Variants in SLC22A13 observed in about 807,000 individuals in gnomAD.
SLC22A13 encodes the protein organic anion transporter 10.
Under a neutral mutation model 49.1 loss-of-function variants are expected in SLC22A13, and 42 were observed. That is an observed-to-expected ratio of 0.85 (90% confidence interval 0.67 to 1.11). The LOEUF is 1.11. Among genes scored for constraint, SLC22A13 ranks in the 50% least tolerant of loss-of-function variants. The pLI, the probability that SLC22A13 is intolerant of heterozygous loss-of-function variation, is 0.00. For synonymous variants in SLC22A13, 282 were observed against 293.1 expected (o/e 0.96, Z 0.39); for missense variants, 694 against 712.8 (o/e 0.97, Z 0.30).
chr3:38,275,869 C>A lies in SLC22A13; in HGVS notation c.1023-13C>A. On this transcript the variant is annotated splice_polypyrimidine_tract_variant and intron_variant, in intron 6 of 9. Transcript: ENST00000311856. ...TCACCCAGCAGTGACAGGAACCCTT[C>A]ATTACCTTGTAGGTTTGTGGACAGT... 1 of 1,612,102 alleles carries A rather than the reference C, an allele frequency of 6.2e-7. No homozygotes were observed. The highest frequency in any genetic ancestry group is 8.5e-7 in the Non-Finnish European group (1 of 1,178,306).
intron 1 of SLC22A13, among the ~76,000 whole-genome samples, chr3:38,273,473 T>G (rs968956733): frequency 6.6e-5 from 10 of 152,188 alleles, no homozygotes; most frequent in African/African-American, 2.4e-4. Flanking sequence ...TGAGGGCTCC[T>G]TAGGATTCTG....
At chr3:38,269,692 G>A (rs1317039483) in intron 1 of SLC22A13, among the ~76,000 whole-genome samples, 1 of 152,072 alleles carries the variant, frequency 6.6e-6, no homozygotes, top group Non-Finnish European at 1.5e-5. Flanking sequence ...CTGGAGGCTT[G>A]GTTAACAGCA....
Position 38,276,502 on chromosome 3 carries a change from G to A in SLC22A13, c.1346+107G>A, listed in dbSNP as rs551131182. ...ACAAATAGCTGACAGGGCTGGCTCTGGGGCAGCAGTGCTGGGCAGGGTCCA... is the reference window on the plus strand; with the variant it reads ...ACAAATAGCTGACAGGGCTGGCTCTAGGGCAGCAGTGCTGGGCAGGGTCCA... On this transcript the variant is annotated intron_variant, in intron 8 of 9. Coordinates refer to ENST00000311856, the MANE Select transcript of SLC22A13 (RefSeq NM_004256.4). 1.2e-3 allele frequency: 935 copies of A among 789,718 alleles called. 1 individual carries two copies. The highest frequency in any genetic ancestry group is 1.7e-3 in the Non-Finnish European group (841 of 480,644). 48.9% of individuals were successfully genotyped at this position (789,718 alleles called of 1,614,324 possible). A position where few individuals can be genotyped will look rare whatever the true frequency, so the allele number is the denominator to read the frequency against.
At position 38,276,395 on chromosome 3, in the gene SLC22A13, G is replaced by A. The variant is rs145243975; in HGVS notation, c.1346G>A (p.Arg449Gln). The A allele has an allele frequency of 1.0e-4, 164 of 1,601,312 alleles. No individual in the cohort carries two copies. The highest frequency in any genetic ancestry group is 1.3e-4 in the Non-Finnish European group (150 of 1,170,294). The stretch of plus-strand genomic sequence containing the variant: ...GCCGAGCTTTTCCCCACCATCCTCC[G>A]GTAAGAGCTGCAGTGTGACTCCTGC... Reference protein sequence around the residue: ...YSAELFPTILRQTGMGLVGIF... With the variant: ...YSAELFPTILQQTGMGLVGIF... Residue 449 changes from arginine (R) to glutamine (Q), a missense_variant and splice_region_variant, in exon 8 of 10, where the codon CGG becomes CAG. Coordinates refer to ENST00000311856, the MANE Select transcript of SLC22A13 (RefSeq NM_004256.4).
chr3:38,265,913 A>G lies in SLC22A13; in HGVS notation c.53A>G (p.Gln18Arg), dbSNP rs1559535469. The change falls in exon 1 of 10, where the codon CAG becomes CGG. Residue 18 changes from glutamine to arginine, a missense_variant. Physicochemically the swap from Gln to Arg is conservative, Grantham distance 43. Coordinates refer to ENST00000311856, the MANE Select transcript of SLC22A13 (RefSeq NM_004256.4). The stretch of plus-strand genomic sequence containing the variant: ...GAAATAGGTGACTTTGGTCGCTTCC[A>G]GATACAGCTATTGATCCTGCTGTGT... ...LAEIGDFGRFQIQLLILLCVL... is the reference protein window; with the variant it reads ...LAEIGDFGRFRIQLLILLCVL... 6.2e-7 allele frequency: 1 copy of G among 1,614,134 alleles called. No homozygotes were observed. The highest frequency in any genetic ancestry group is 8.5e-7 in the Non-Finnish European group (1 of 1,180,000).
chr3:38,266,110 C>T lies in SLC22A13; in HGVS notation c.250C>T (p.Leu84Phe). Residue 84 changes from leucine (L) to phenylalanine (F), a missense_variant, in exon 1 of 10, where the codon CTC (leucine) becomes TTC (phenylalanine). Leu to Phe is a conservative substitution (Grantham distance 22, BLOSUM62 0). Transcript: ENST00000311856. Reference sequence around the variant, plus strand: ...CACTGCAGGTCACCCAGAGCCCTGCCTCATGTTCCGGCCACCCCCCGCCAA... The same window carrying T: ...CACTGCAGGTCACCCAGAGCCCTGCTTCATGTTCCGGCCACCCCCCGCCAA... ...LDTAGHPEPC[L>F]MFRPPPANAS... The T allele has an allele frequency of 6.2e-7, 1 of 1,614,086 alleles. No homozygotes were observed.
intron 1 of SLC22A13, among the ~76,000 whole-genome samples, chr3:38,267,065 C>T (rs1048706314): frequency 3.9e-5 from 6 of 152,148 alleles, no homozygotes; most frequent in Non-Finnish European, 7.3e-5. Context: ...AGTCCAGAAA[C>T]CTGAGGGGCA....
intron 6 of SLC22A13, 95 bp from the exon 7 acceptor site, chr3:38,275,787 A>G (rs1575391905): frequency 4.1e-6 from 6 of 1,478,250 alleles, no homozygotes; most frequent in Non-Finnish European, 5.6e-6. Context: ...TGGTTGTGCC[A>G]GTGTCCCCTG....
chr3:38,265,944 C>T lies in SLC22A13; in HGVS notation c.84C>T (p.Leu28=), dbSNP rs1703458789. The T allele has an allele frequency of 6.2e-7, 1 of 1,614,152 alleles. No individual in the cohort carries two copies. Among genetic ancestry groups the T allele is most frequent in the Non-Finnish European group, 8.5e-7 (1 of 1,180,010 alleles). Residue 28 remains leucine, a synonymous_variant, in exon 1 of 10, where the codon CTC becomes CTT. Transcript: ENST00000311856. ...AGCTATTGATCCTGCTGTGTGTTCT[C>T]AACTTCCTGTCTCCCTTCTACTTTT... The part of the protein sequence containing the change: ...QIQLLILLCV[L]NFLSPFYFFA...
At chr3:38,274,839 G>A in intron 3 of SLC22A13, 81 bp downstream of exon 3, 1 of 1,553,664 alleles carries the variant, frequency 6.4e-7, no homozygotes, top group African/African-American at 1.4e-5. Flanking sequence ...AACGGCCTGT[G>A]GAGGTCTTTT....
chr3:38,274,147 G>A (rs1379100648), intron 1 of SLC22A13, 125 bp from the exon 2 acceptor site: 1 of 697,948 alleles, frequency 1.4e-6, no homozygotes, highest in African/African-American at 1.8e-5. Context: ...TGGTGCCCTG[G>A]AGTGCCTCAG....
chr3:38,271,542 C>CAAA (rs397837435), intron 1 of SLC22A13, among the ~76,000 whole-genome samples: 13 of 48,404 alleles, frequency 2.7e-4, no homozygotes, highest in African/African-American at 4.8e-4. Flanking sequence ...GACGCTTTCT[C>CAAA]AAAAAAAAAA....
rs9822259 is a variant in SLC22A13, at chr3:38,266,130, C to T, written c.270C>T (p.Pro90=). The T allele has an allele frequency of 2.2e-3, 3,488 of 1,614,162 alleles. 59 individuals are homozygous for T. The African/African-American group carries it at 0.039, about 18-fold the overall frequency. ...CCTGCCTCATGTTCCGGCCACCCCC[C>T]GCCAATGCCAGCCTGCAGGACATCC... ...PEPCLMFRPP[P]ANASLQDILS... The change falls in exon 1 of 10, where the codon CCC becomes CCT. Residue 90 remains proline (P), a synonymous_variant. Coordinates refer to ENST00000311856, the MANE Select transcript of SLC22A13 (RefSeq NM_004256.4).
At chr3:38,276,720 C>T (rs1486784775) in intron 8 of SLC22A13, among the ~76,000 whole-genome samples, 192 bp from the exon 9 acceptor site, 1 of 152,014 alleles carries the variant, frequency 6.6e-6, no homozygotes, top group Non-Finnish European at 1.5e-5. Flanking sequence ...ACTTGACAGG[C>T]GAGCAGGGGT....
intron 1 of SLC22A13, among the ~76,000 whole-genome samples, chr3:38,272,232 C>T (rs1210921576): frequency 6.6e-6 from 1 of 152,234 alleles, no homozygotes; most frequent in Non-Finnish European, 1.5e-5. Context: ...GCTTGGTGCT[C>T]ATGCCCACAG....
intron 9 of SLC22A13, 64 bp downstream of exon 9, chr3:38,277,191 C>T: frequency 2.3e-6 from 3 of 1,284,260 alleles, no homozygotes; most frequent in Non-Finnish European, 3.3e-6. Flanking sequence ...ACTCTATATG[C>T]CCAGGCCTCC....
intron 8 of SLC22A13, 102 bp from the exon 9 acceptor site, chr3:38,276,810 C>T (rs1347493298): frequency 6.9e-6 from 7 of 1,018,208 alleles, no homozygotes; most frequent in African/African-American, 1.6e-5. Flanking sequence ...GGAGACCCTG[C>T]AGACCTTTGA....
At chr3:38,276,693 G>A (rs1021243243) in intron 8 of SLC22A13, among the ~76,000 whole-genome samples, 15 of 152,160 alleles carry the variant, frequency 9.9e-5, no homozygotes, top group Admixed American at 3.3e-4. Context: ...GTAAGGATGT[G>A]CAGCCTCTGA....
intron 7 of SLC22A13, 56 bp downstream of exon 7, chr3:38,276,152 G>T: frequency 1.9e-6 from 3 of 1,539,978 alleles, no homozygotes; most frequent in Non-Finnish European, 2.7e-6. Flanking sequence ...GGCTGCCAGG[G>T]GCTAGACCAG....
Sources: gnomAD v4.1 joint callset for allele counts (sites outside exome capture counted in the v4.1 genomes callset) on GRCh38, gnomAD v4.1.1 for gene constraint, MANE v1.5 for transcripts, NCBI Gene and HGNC (gene_info 2026-07-23, HGNC 2026-07-21) for gene names.